Variants in TMPRSS15 observed in about 807,000 individuals in gnomAD.
TMPRSS15 encodes the protein enteropeptidase.
In TMPRSS15, 128 loss-of-function variants were observed where a neutral mutation model predicts 125.3. That is an observed-to-expected ratio of 1.02 (90% confidence interval 0.89 to 1.18). The LOEUF (loss-of-function observed/expected upper bound fraction) is 1.18, where lower values mean the gene tolerates loss of function less well. TMPRSS15 is among the 50% of genes most tolerant of loss of function. The pLI is 0.00. For synonymous variants in TMPRSS15, 446 were observed against 423.2 expected (o/e 1.05, Z -0.66); for missense variants, 1,283 against 1,212.7 (o/e 1.06, Z -0.86).
chr21:18,353,331 AT>A lies in TMPRSS15; in HGVS notation c.1022-280del, dbSNP rs1349130184. 9.2e-5 allele frequency among the ~76,000 whole-genome samples: 14 copies of A among 151,866 alleles called. No homozygotes were observed. In the East Asian group the frequency reaches 2.7e-3, roughly 29 times the overall value. ...TTTTTAAGTTTTACATCTTGTTTCC[AT>A]TGGTTCACCCACAGAAACTTTGTTC... On this transcript the variant is annotated intron_variant, in intron 9 of 24. Transcript: ENST00000284885.
intron 24 of TMPRSS15, 108 bp from the exon 25 acceptor site, chr21:18,270,232 A>C (rs1379005230): frequency 2.0e-6 from 2 of 997,694 alleles, no homozygotes; most frequent in Admixed American, 2.2e-5. Context: ...ATTAAAAAAT[A>C]TGATTTAATT....
upstream of TMPRSS15, among the ~76,000 whole-genome samples, chr21:18,404,136 T>A (rs1481392908): frequency 6.6e-6 from 1 of 152,222 alleles, no homozygotes; most frequent in Non-Finnish European, 1.5e-5. Context: ...TAGGTGCAGA[T>A]GTATATAAAG....
chr21:18,283,364 T>C (rs77456819), intron 21 of TMPRSS15, among the ~76,000 whole-genome samples: 1 of 12,380 alleles, frequency 8.1e-5, no homozygotes, highest in South Asian at 1.1e-3. Context: ...AATTGTATGA[T>C]TTTTTTTTTA....
chr21:18,427,328 C>T (rs1487767591), intron 1 of TMPRSS15, among the ~76,000 whole-genome samples: 1 of 151,454 alleles, frequency 6.6e-6, no homozygotes, highest in Non-Finnish European at 1.5e-5. Context: ...TCAGTCTAAC[C>T]CTCTAAGCCA....
intron 6 of TMPRSS15, 95 bp downstream of exon 6, chr21:18,372,098 A>ATGTGTGTGTGTG (rs56932398): frequency 0.013 from 7,132 of 538,368 alleles, 95 homozygotes; most frequent in Admixed American, 0.013. Flanking sequence ...TGAGATTAGA[A>ATGTGTGTGTGTG]TGTGTGTGTG....
intron 8 of TMPRSS15, among the ~76,000 whole-genome samples, chr21:18,356,231 T>G (rs1180278864): frequency 6.6e-6 from 1 of 151,838 alleles, no homozygotes; most frequent in Non-Finnish European, 1.5e-5. Context: ...GTGGGGAATT[T>G]GGAAAGACGG....
chr21:18,313,815 T>C (rs144718141), intron 17 of TMPRSS15, among the ~76,000 whole-genome samples: 2 of 151,418 alleles, frequency 1.3e-5, no homozygotes, highest in African/African-American at 4.8e-5. Context: ...GAAGAGTATA[T>C]ATAAGAGTAT....
chr21:18,296,212 A>G (rs1165909564), intron 19 of TMPRSS15, among the ~76,000 whole-genome samples: 1 of 152,202 alleles, frequency 6.6e-6, no homozygotes, highest in Non-Finnish European at 1.5e-5. Context: ...TAGTTGGCTG[A>G]ATCATTTTCC....
At chr21:18,425,183 A>G (rs1347445778) in intron 1 of TMPRSS15, among the ~76,000 whole-genome samples, 1 of 152,004 alleles carries the variant, frequency 6.6e-6, no homozygotes. Context: ...AAACTCTGGT[A>G]GAGTAGTTGC....
chr21:18,479,653 G>T (rs1978943768), intron 1 of TMPRSS15, among the ~76,000 whole-genome samples: 1 of 151,938 alleles, frequency 6.6e-6, no homozygotes, highest in South Asian at 2.1e-4. Context: ...ATCATCACTG[G>T]TCACTAGAGA....
At chr21:18,364,644 A>G (rs1414041687) in intron 7 of TMPRSS15, among the ~76,000 whole-genome samples, 1 of 152,140 alleles carries the variant, frequency 6.6e-6, no homozygotes, top group Non-Finnish European at 1.5e-5. Flanking sequence ...GTGGAGGTGA[A>G]ATACATATTG....
At chr21:18,459,215 G>T (rs932569739) in intron 1 of TMPRSS15, among the ~76,000 whole-genome samples, 1 of 151,508 alleles carries the variant, frequency 6.6e-6, no homozygotes, top group African/African-American at 2.4e-5. Context: ...ATCTTATAAG[G>T]GTGCATCCAT....
At chr21:18,283,224 G>C (rs1745922780) in intron 21 of TMPRSS15, among the ~76,000 whole-genome samples, 1 of 152,028 alleles carries the variant, frequency 6.6e-6, no homozygotes, top group Admixed American at 6.6e-5. Context: ...TCTCTTCCCT[G>C]GTGTTCTGTT....
At chr21:18,356,103 T>C (rs1449496564) in intron 8 of TMPRSS15, among the ~76,000 whole-genome samples, 2 of 151,906 alleles carry the variant, frequency 1.3e-5, no homozygotes, top group African/African-American at 4.8e-5. Context: ...TGGATGTTAA[T>C]TTGCATAGAC....
intron 13 of TMPRSS15, among the ~76,000 whole-genome samples, chr21:18,334,987 C>A (rs1017110697): frequency 4.6e-5 from 7 of 152,056 alleles, no homozygotes; most frequent in African/African-American, 1.7e-4. Flanking sequence ...GCATGTGAAC[C>A]AAAGAAGGAA....
At chr21:18,413,452 C>G (rs940251385) in intron 1 of TMPRSS15, among the ~76,000 whole-genome samples, 1 of 150,534 alleles carries the variant, frequency 6.6e-6, no homozygotes, top group African/African-American at 2.5e-5. Flanking sequence ...GAGTCTCACT[C>G]TGTCACCCAG....
At chr21:18,332,636 A>G (rs2146970333) in intron 13 of TMPRSS15, among the ~76,000 whole-genome samples, 1 of 152,282 alleles carries the variant, frequency 6.6e-6, no homozygotes, top group East Asian at 1.9e-4. Context: ...ACACTTATAG[A>G]CTGTTGGTGG....
intron 10 of TMPRSS15, among the ~76,000 whole-genome samples, chr21:18,351,967 G>A (rs987239488): frequency 6.6e-6 from 1 of 152,094 alleles, no homozygotes; most frequent in Non-Finnish European, 1.5e-5. Flanking sequence ...TAGCTGGTTA[G>A]AGGTGGCTTT....
chr21:18,481,268 C>T (rs1405910181), intron 1 of TMPRSS15, among the ~76,000 whole-genome samples: 1 of 151,806 alleles, frequency 6.6e-6, no homozygotes, highest in African/African-American at 2.4e-5. Flanking sequence ...TATTGACTTA[C>T]TTGCAAATTA....
Sources: allele counts gnomAD v4.1 joint callset (sites outside exome capture counted in the v4.1 genomes callset), GRCh38; gene constraint gnomAD v4.1.1; transcripts MANE v1.5; gene names NCBI Gene and HGNC (gene_info 2026-07-23, HGNC 2026-07-21).